Variants in PTBP2 observed in about 807,000 individuals in gnomAD.
PTBP2 encodes the protein polypyrimidine tract binding protein 2.
PTBP2 carries 13 observed loss-of-function variants against 61.4 expected under a neutral mutation model. The observed-to-expected ratio is 0.21, with a 90% CI of 0.14 to 0.34. PTBP2 has a LOEUF of 0.34. Among genes scored for constraint, PTBP2 ranks in the 10% least tolerant of loss-of-function variants. The pLI is 1.00. For synonymous variants in PTBP2, 215 were observed against 218.5 expected, an observed-to-expected ratio of 0.98 and a Z score of 0.14; for missense variants, 405 against 642.6, an observed-to-expected ratio of 0.63 and a Z score of 4.00.
chr1:96,808,274 T>A (rs1469068097), intron 11 of PTBP2, among the ~76,000 whole-genome samples: 1 of 152,056 alleles, frequency 6.6e-6, no homozygotes, highest in Non-Finnish European at 1.5e-5. Context: ...ACAACAAAAA[T>A]GTATTTCTTC....
chr1:96,769,751 G>T lies in PTBP2; in HGVS notation c.164G>T (p.Gly55Val). 6.2e-7 allele frequency: 1 copy of T among 1,608,472 alleles called. No individual in the cohort carries two copies. The highest frequency in any genetic ancestry group is 8.5e-7 in the Non-Finnish European group (1 of 1,177,286). Residue 55 changes from glycine (G) to valine (V), a missense_variant, in exon 4 of 14, where the codon GGT becomes GTT. Coordinates refer to ENST00000674951, the MANE Select transcript of PTBP2 (RefSeq NM_021190.4). ...TTTAAAGGAGAAGATAAAATGGATG[G>T]TGCTCCTTCTCGTGTACTTCATATT... ...KKFKGEDKMD[G>V]APSRVLHIRK...
At chr1:96,766,838 G>A (rs1299316176) in intron 3 of PTBP2, among the ~76,000 whole-genome samples, 1 of 152,110 alleles carries the variant, frequency 6.6e-6, no homozygotes, top group Non-Finnish European at 1.5e-5. Flanking sequence ...TGTATGTAAT[G>A]TAATGTTTGT....
At chr1:96,765,102 T>G (rs901219676) in intron 3 of PTBP2, among the ~76,000 whole-genome samples, 1 of 151,826 alleles carries the variant, frequency 6.6e-6, no homozygotes, top group Non-Finnish European at 1.5e-5. Flanking sequence ...CAGCATTCAT[T>G]TTTTTTTTCT....
intron 2 of PTBP2, among the ~76,000 whole-genome samples, chr1:96,745,400 G>A (rs1409696131): frequency 1.3e-5 from 2 of 152,052 alleles, no homozygotes; most frequent in Non-Finnish European, 2.9e-5. Flanking sequence ...ATGACCTCGT[G>A]ATCCGTCTGC....
intron 7 of PTBP2, among the ~76,000 whole-genome samples, chr1:96,784,764 A>AAT (rs1193740757): frequency 6.6e-6 from 1 of 152,110 alleles, no homozygotes; most frequent in Non-Finnish European, 1.5e-5. Context: ...GATCCTTATT[A>AAT]GTTTTTTTAA....
chr1:96,751,453 G>T lies in PTBP2; in HGVS notation c.68G>T (p.Ser23Ile). ...KRGSDELLSG[S>I]VLSSPNSNMS... Reference sequence around the variant, plus strand: ...GGATCTGACGAACTACTCTCAGGCAGTGTTCTCAGTAGTCCGAACTCTAAT... The same window carrying T: ...GGATCTGACGAACTACTCTCAGGCATTGTTCTCAGTAGTCCGAACTCTAAT... The change falls in exon 3 of 14, where the codon AGT (serine) becomes ATT (isoleucine). Residue 23 changes from serine (S) to isoleucine (I), a missense_variant. Physicochemically the swap from Ser to Ile is moderately radical, Grantham distance 142. Around this residue, in one of 4 missense-constraint regions of PTBP2, gnomAD observed 342 missense variants for 491.2 expected, o/e 0.70. Coordinates refer to ENST00000674951, the MANE Select transcript of PTBP2 (RefSeq NM_021190.4). 6.2e-7 allele frequency: 1 copy of T among 1,612,880 alleles called. No individual in the cohort carries two copies. The highest frequency in any genetic ancestry group is 8.5e-7 in the Non-Finnish European group (1 of 1,179,166).
chr1:96,801,465 A>G (rs1660987134), intron 8 of PTBP2, among the ~76,000 whole-genome samples: 1 of 152,198 alleles, frequency 6.6e-6, no homozygotes, highest in Non-Finnish European at 1.5e-5. Flanking sequence ...TTTCACGGTA[A>G]TACTAAAGTG....
chr1:96,756,054 G>A (rs1363906232), intron 3 of PTBP2, among the ~76,000 whole-genome samples: 1 of 152,224 alleles, frequency 6.6e-6, no homozygotes, highest in African/African-American at 2.4e-5. Flanking sequence ...TTACTGCTCA[G>A]TGGAATGCAG....
At chr1:96,808,909 TTAGC>T (rs1661765465) in intron 11 of PTBP2, among the ~76,000 whole-genome samples, 1 of 152,080 alleles carries the variant, frequency 6.6e-6, no homozygotes, top group Non-Finnish European at 1.5e-5. Context: ...ATTTAAAAAG[TTAGC>T]TATATACTTT....
In PTBP2 at chr1:96,769,876, G is replaced by A; in HGVS notation, c.288+1G>A. 6.3e-7 allele frequency: 1 copy of A among 1,580,596 alleles called. No individual in the cohort carries two copies. Among genetic ancestry groups the A allele is most frequent in the South Asian group, 1.2e-5 (1 of 85,032 alleles). ...CCTTATGCTGAAAGGAAAAAATCAG[G>A]TACACTTCTTTCAGGGTTTATGAAA... On this transcript the variant is annotated splice_donor_variant, in intron 4 of 13. Transcript: ENST00000674951. LOFTEE classifies it high-confidence loss of function.
intron 11 of PTBP2, among the ~76,000 whole-genome samples, chr1:96,810,559 T>C (rs1661976662): frequency 6.6e-6 from 1 of 152,192 alleles, no homozygotes; most frequent in Non-Finnish European, 1.5e-5. Context: ...CCCATTCCTC[T>C]ATCACTCATC....
intron 11 of PTBP2, among the ~76,000 whole-genome samples, chr1:96,811,875 T>A (rs1054600324): frequency 6.6e-6 from 1 of 152,194 alleles, no homozygotes; most frequent in African/African-American, 2.4e-5. Context: ...AGTTTAAAAA[T>A]GATCCAGCAG....
rs1025768329 is a variant in PTBP2 at position 96,731,313 on chromosome 1, C to T, written c.39+7719C>T. On this transcript the variant is annotated intron_variant, in intron 2 of 13. Coordinates refer to ENST00000674951, the MANE Select transcript of PTBP2 (RefSeq NM_021190.4). ...AGTGTGTATGGGAGTGCCTATTTTT[C>T]CATACCCTTGGCAATTCTAGGTTTT... Among the ~76,000 whole-genome samples the T allele has an allele frequency of 3.9e-5, 6 of 152,162 alleles. No individual in the cohort carries two copies. In the East Asian group the frequency reaches 9.7e-4, roughly 24 times the overall value.
intron 2 of PTBP2, chr1:96,751,161 G>A (rs1654484187): frequency 2.1e-6 from 1 of 466,554 alleles, no homozygotes; most frequent in Admixed American, 3.5e-5. Context: ...GCTTTCCAAA[G>A]CTTTTGCTTA....
rs1427550205 is a variant in PTBP2 at position 96,791,410 on chromosome 1, G to C, written c.904+6156G>C. The stretch of plus-strand genomic sequence containing the variant: ...TAATTTAATAAATTTAGGCTGTTCA[G>C]GGTTTCAGTATCCTACAAAGAAGAA... On this transcript the variant is annotated intron_variant, in intron 8 of 13. Transcript: ENST00000674951. Among the ~76,000 whole-genome samples, 3 of 152,134 alleles carry C rather than the reference G, an allele frequency of 2.0e-5. No homozygotes were observed. In the South Asian group the frequency reaches 6.2e-4, roughly 32 times the overall value.
chr1:96,785,094 T>A lies in PTBP2; in HGVS notation c.744T>A (p.Cys248Ter). 1 of 1,606,458 alleles carries A rather than the reference T, an allele frequency of 6.2e-7. No individual in the cohort carries two copies. Among genetic ancestry groups the A allele is most frequent in the Non-Finnish European group, 8.5e-7 (1 of 1,175,616 alleles). ...LDGQNIYNAC[C>*]TLRIDFSKLV... ...GTCAGAATATTTATAATGCCTGCTG[T>A]ACCCTAAGGATTGATTTTTCCAAAC... Residue 248 changes from cysteine to a stop codon, truncating the protein, a stop_gained, in exon 8 of 14, where the codon TGT becomes TGA. Coordinates refer to ENST00000674951, the MANE Select transcript of PTBP2 (RefSeq NM_021190.4). LOFTEE classifies it high-confidence loss of function.
At chr1:96,800,138 A>G (rs1660820668) in intron 8 of PTBP2, among the ~76,000 whole-genome samples, 2 of 152,184 alleles carry the variant, frequency 1.3e-5, no homozygotes, top group Non-Finnish European at 2.9e-5. Flanking sequence ...TGTAAAAGGA[A>G]GGATCATTGG....
chr1:96,785,487 C>T (rs1049203153), intron 8 of PTBP2, among the ~76,000 whole-genome samples: 3 of 152,174 alleles, frequency 2.0e-5, no homozygotes, highest in Non-Finnish European at 4.4e-5. Flanking sequence ...CCTTCAGCTT[C>T]TCTTCCATGC....
chr1:96,760,826 G>A lies in PTBP2; in HGVS notation c.116-8877G>A, dbSNP rs553379374. On this transcript the variant is annotated intron_variant, in intron 3 of 13. Transcript: ENST00000674951. ...CTACTTTTAGTTTTTTACCCAGTAA[G>A]AACATGTTTGCTGTAAAACTTGTAT... Among the ~76,000 whole-genome samples, 6 of 152,260 alleles carry A rather than the reference G, an allele frequency of 3.9e-5. No homozygotes were observed. In the East Asian group the frequency reaches 1.2e-3, roughly 29 times the overall value.
Sources: gnomAD v4.1 joint callset for allele counts (sites outside exome capture counted in the v4.1 genomes callset) on GRCh38, gnomAD v4.1.1 for gene constraint, gnomAD v4.1.1 regional missense constraint, MANE v1.5 for transcripts, NCBI Gene and HGNC (gene_info 2026-07-23, HGNC 2026-07-21) for gene names.